The following RPSA2 variants were observed in gnomAD, a reference collection of about 807,000 sequenced individuals.
RPSA2 encodes the protein small ribosomal subunit protein uS2B.
At chr19:23,845,865 T>C in the RPSA2 span, among the ~76,000 whole-genome samples, 1 of 152,188 alleles carries the variant, frequency 6.6e-6, no homozygotes, top group Admixed American at 6.5e-5. Context: ...ATTTATAGTT[T>C]CTGAAATTTC....
the RPSA2 span, among the ~76,000 whole-genome samples, chr19:23,801,404 A>C: frequency 2.6e-5 from 4 of 152,096 alleles, no homozygotes; most frequent in African/African-American, 9.6e-5. Flanking sequence ...ACACCTGGCT[A>C]ATTTTGTATT....
At chr19:23,840,826 G>C in the RPSA2 span, among the ~76,000 whole-genome samples, 2 of 151,512 alleles carry the variant, frequency 1.3e-5, no homozygotes, top group African/African-American at 4.9e-5. Context: ...GCCGGACACT[G>C]TGGCACGTGC....
the RPSA2 span, among the ~76,000 whole-genome samples, chr19:23,778,519 GT>G: frequency 3.3e-5 from 5 of 152,088 alleles, no homozygotes; most frequent in Admixed American, 3.3e-4. Flanking sequence ...TGGTGACTCT[GT>G]TTTTTAACCA....
the RPSA2 span, among the ~76,000 whole-genome samples, chr19:23,797,190 A>G: frequency 2.0e-5 from 3 of 152,060 alleles, no homozygotes; most frequent in South Asian, 4.2e-4. Flanking sequence ...ACTCACTGCA[A>G]CCACTGCCTT....
the RPSA2 span, among the ~76,000 whole-genome samples, chr19:23,791,059 A>G: frequency 6.6e-6 from 1 of 152,212 alleles, no homozygotes; most frequent in African/African-American, 2.4e-5. Flanking sequence ...CAGATTGTGC[A>G]GGGACCACGG....
chr19:23,867,307 G>C, the RPSA2 span, among the ~76,000 whole-genome samples: 1 of 152,192 alleles, frequency 6.6e-6, no homozygotes, highest in Non-Finnish European at 1.5e-5. Context: ...ATTTTACCTT[G>C]TCTTGGTCCG....
chr19:23,820,256 G>A, the RPSA2 span, among the ~76,000 whole-genome samples: 2 of 152,196 alleles, frequency 1.3e-5, no homozygotes, highest in African/African-American at 4.8e-5. Context: ...GTGGCACATA[G>A]AAGTGGTGTC....
the RPSA2 span, among the ~76,000 whole-genome samples, chr19:23,835,013 G>C: frequency 6.6e-6 from 1 of 151,988 alleles, no homozygotes; most frequent in African/African-American, 2.4e-5. Context: ...AATCACATTA[G>C]AGGAAATGAG....
the RPSA2 span, among the ~76,000 whole-genome samples, chr19:23,770,773 G>T: frequency 6.6e-6 from 1 of 152,064 alleles, no homozygotes; most frequent in East Asian, 1.9e-4. Context: ...TTCAGGGGGA[G>T]ATTTTAACAT....
At chr19:23,834,013 A>G in the RPSA2 span, among the ~76,000 whole-genome samples, 1 of 152,202 alleles carries the variant, frequency 6.6e-6, no homozygotes, top group East Asian at 1.9e-4. Context: ...ATACTAAAAT[A>G]TATTTTTGCA....
the RPSA2 span, among the ~76,000 whole-genome samples, chr19:23,786,151 C>T: frequency 6.6e-6 from 1 of 152,166 alleles, no homozygotes; most frequent in Admixed American, 6.5e-5. Context: ...GGGCTTAGGG[C>T]CAGAGTAAAC....
chr19:23,842,591 GA>G, the RPSA2 span: 1 of 153,636 alleles, frequency 6.5e-6, no homozygotes, highest in South Asian at 2.1e-4. Flanking sequence ...ATTTTCTCAG[GA>G]GGAGTGGGAA....
At chr19:23,761,914 T>TCCC in the RPSA2 span, among the ~76,000 whole-genome samples, 2 of 93,334 alleles carry the variant, frequency 2.1e-5, no homozygotes. Flanking sequence ...CTTTCTTTCT[T>TCCC]TCTTTCTTTT....
chr19:23,856,650 A>T, the RPSA2 span, among the ~76,000 whole-genome samples: 1 of 152,144 alleles, frequency 6.6e-6, no homozygotes, highest in Non-Finnish European at 1.5e-5. Flanking sequence ...CCAGTATTTC[A>T]ACATAGGTTC....
the RPSA2 span, among the ~76,000 whole-genome samples, chr19:23,870,048 A>G: frequency 6.6e-6 from 1 of 152,200 alleles, no homozygotes; most frequent in African/African-American, 2.4e-5. Flanking sequence ...TTCCTGGGCT[A>G]TGGATTCTCA....
At chr19:23,761,914 T>TCCG in the RPSA2 span, among the ~76,000 whole-genome samples, 2 of 93,334 alleles carry the variant, frequency 2.1e-5, no homozygotes, top group Admixed American at 1.4e-4. Flanking sequence ...CTTTCTTTCT[T>TCCG]TCTTTCTTTT....
At chr19:23,776,336 G>T in the RPSA2 span, among the ~76,000 whole-genome samples, 1 of 152,068 alleles carries the variant, frequency 6.6e-6, no homozygotes, top group Non-Finnish European at 1.5e-5. Context: ...CTTTCCACAT[G>T]GGGCATTTGG....
chr19:23,850,573 T>C, the RPSA2 span, among the ~76,000 whole-genome samples: 1 of 150,824 alleles, frequency 6.6e-6, no homozygotes, highest in South Asian at 2.1e-4. Context: ...GTGGTGTTCA[T>C]TGTCAGTATT....
At chr19:23,761,702 A>C in the RPSA2 span, among the ~76,000 whole-genome samples, 3 of 151,866 alleles carry the variant, frequency 2.0e-5, no homozygotes, top group African/African-American at 7.3e-5. Context: ...AGCAAATCAA[A>C]TCAGGACATC....
Sources: allele counts gnomAD v4.1 joint callset (sites outside exome capture counted in the v4.1 genomes callset), GRCh38; gene constraint gnomAD v4.1.1; transcripts MANE v1.5; gene names NCBI Gene and HGNC (gene_info 2026-07-23, HGNC 2026-07-21).